TOP1: variants seen among roughly 807,000 people sequenced by gnomAD.
TOP1 encodes DNA topoisomerase 1.
TOP1 carries 10 observed loss-of-function variants against 111.1 expected under a neutral mutation model. That is an observed-to-expected ratio of 0.09 (90% CI 0.06 to 0.15). The LOEUF (loss-of-function observed/expected upper bound fraction) is 0.15. Ranked by LOEUF, TOP1 falls within the 10% of genes least tolerant of loss-of-function variation. The probability of loss-of-function intolerance (pLI) is 1.00; values close to 1 mark genes in which losing one functional copy is unlikely to be tolerated. For synonymous variants in TOP1, 271 were observed against 302.9 expected, an observed-to-expected ratio of 0.89 and a Z score of 1.10; for missense variants, 474 against 926.7, an observed-to-expected ratio of 0.51 and a Z score of 6.34.
At chr20:41,056,232 GTTAT>G (rs1461063496) in intron 2 of TOP1, among the ~76,000 whole-genome samples, 1 of 152,124 alleles carries the variant, frequency 6.6e-6, no homozygotes, top group East Asian at 1.9e-4. Context: ...CTTTCAGTTG[GTTAT>G]TTAGTTTGTT....
rs182960032 is a variant in TOP1 at position 41,080,975 on chromosome 20, A to G, written c.432-190A>G. On this transcript the variant is annotated intron_variant, in intron 6 of 20. Transcript: ENST00000361337. This position sits in a 1 kb window ranked among gnomAD's most constrained non-coding sequence, Gnocchi z 5.0. ...GGTTTGTTTTGTTCTATATAGGGCT[A>G]TAACTATTACTCTTTGGTCTGACCT... Among the ~76,000 whole-genome samples, 3 of 152,090 alleles carry G rather than the reference A, an allele frequency of 2.0e-5. No homozygotes were observed. Among genetic ancestry groups the G allele is most frequent in the African/African-American group, 7.2e-5 (3 of 41,470 alleles).
At chr20:41,051,655 C>A (rs1268998881) in intron 2 of TOP1, among the ~76,000 whole-genome samples, 1 of 152,056 alleles carries the variant, frequency 6.6e-6, no homozygotes, top group African/African-American at 2.4e-5. Flanking sequence ...GTTAGGCTTC[C>A]GGGTACCAGG....
intron 8 of TOP1, among the ~76,000 whole-genome samples, chr20:41,086,646 G>T (rs1335606200): frequency 1.3e-5 from 2 of 152,230 alleles, no homozygotes; most frequent in Non-Finnish European, 2.9e-5. Context: ...TTTTGCTTTT[G>T]TGGTTGAAAT....
rs942370160 is a variant in TOP1, at chr20:41,046,427, A to T, written c.59-14967A>T. Among the ~76,000 whole-genome samples, 1 of 152,218 alleles carries T rather than the reference A, an allele frequency of 6.6e-6. No homozygotes were observed. Among genetic ancestry groups the T allele is most frequent in the East Asian group, 1.9e-4 (1 of 5,198 alleles). ...GGTAAAGGGGGACCTGGGGTGACTT[A>T]GTTGCCTCCTGAGAATTCTGGGCTG... On this transcript the variant is annotated intron_variant, in intron 2 of 20. Transcript: ENST00000361337. This position sits in a 1 kb window ranked among gnomAD's most constrained non-coding sequence, Gnocchi z 4.3.
chr20:41,091,744 A>G (rs751951508), intron 8 of TOP1, among the ~76,000 whole-genome samples: 2 of 151,712 alleles, frequency 1.3e-5, no homozygotes, highest in African/African-American at 2.4e-5. Flanking sequence ...TTTAGTAGAG[A>G]CGGAGTTTCA....
rs1018741607 is a variant in TOP1, at chr20:41,095,937, T to C, written c.731-1283T>C. Reference sequence around the variant, plus strand: ...CTGTCAAAAGCATTTGTTTGAAAAGTGGATTAAATTCCCAAGTACTTTTCT... The same window carrying C: ...CTGTCAAAAGCATTTGTTTGAAAAGCGGATTAAATTCCCAAGTACTTTTCT... On this transcript the variant is annotated intron_variant, in intron 9 of 20. Coordinates refer to ENST00000361337, the MANE Select transcript of TOP1 (RefSeq NM_003286.4). The surrounding 1 kb of genome is among the most constrained non-coding windows in gnomAD (Gnocchi z 4.6). Among the ~76,000 whole-genome samples, 1 of 152,224 alleles carries C rather than the reference T, an allele frequency of 6.6e-6. No homozygotes were observed. Among genetic ancestry groups the C allele is most frequent in the African/African-American group, 2.4e-5 (1 of 41,458 alleles).
At chr20:41,044,275 C>CA (rs574299265) in intron 2 of TOP1, among the ~76,000 whole-genome samples, 11 of 151,130 alleles carry the variant, frequency 7.3e-5, no homozygotes, top group African/African-American at 1.9e-4. Flanking sequence ...AACTCCTTCT[C>CA]AAAAAAAAGA....
intron 14 of TOP1, 123 bp from the exon 15 acceptor site, chr20:41,113,847 C>G (rs1600601010): frequency 2.7e-6 from 2 of 739,188 alleles, no homozygotes; most frequent in Non-Finnish European, 4.1e-6. Context: ...TGCGCCATTG[C>G]ACTCTAGCCT....
In TOP1 at chr20:41,100,950, A is replaced by G. The variant is rs1299785483; in HGVS notation, c.1164-259A>G. Among the ~76,000 whole-genome samples, 1 of 152,230 alleles carries G rather than the reference A, an allele frequency of 6.6e-6. No homozygotes were observed. Among genetic ancestry groups the G allele is most frequent in the African/African-American group, 2.4e-5 (1 of 41,464 alleles). On this transcript the variant is annotated intron_variant, in intron 12 of 20. Transcript: ENST00000361337. The surrounding 1 kb of genome is among the most constrained non-coding windows in gnomAD (Gnocchi z 4.4). Reference sequence around the variant, plus strand: ...TTCACGCATCCCAGGTGGGACTACAAGAGATTTCATCATGCTCCTCAGAAT... The same window carrying G: ...TTCACGCATCCCAGGTGGGACTACAGGAGATTTCATCATGCTCCTCAGAAT...
At position 41,034,906 on chromosome 20, in the gene TOP1, G is replaced by A. The variant is rs1378889191; in HGVS notation, c.58+5451G>A. The stretch of plus-strand genomic sequence containing the variant: ...TACTTTTTTTTTGGGCGGGGTGGGG[G>A]GCAGACAGGGTTTCTGTTTGTTGCC... On this transcript the variant is annotated intron_variant, in intron 2 of 20. Coordinates refer to ENST00000361337, the MANE Select transcript of TOP1 (RefSeq NM_003286.4). This position sits in a 1 kb window ranked among gnomAD's most constrained non-coding sequence, Gnocchi z 4.0. Among the ~76,000 whole-genome samples the A allele has an allele frequency of 6.6e-6, 1 of 151,860 alleles. No individual in the cohort carries two copies. The highest frequency in any genetic ancestry group is 1.5e-5 in the Non-Finnish European group (1 of 67,950).
intron 2 of TOP1, among the ~76,000 whole-genome samples, chr20:41,047,899 C>T (rs1399112907): frequency 6.6e-6 from 1 of 152,130 alleles, no homozygotes; most frequent in African/African-American, 2.4e-5. Flanking sequence ...CACCCATTAG[C>T]GTCCAGACAA....
intron 3 of TOP1, among the ~76,000 whole-genome samples, chr20:41,075,393 A>C (rs1009268907): frequency 6.6e-6 from 1 of 152,270 alleles, no homozygotes; most frequent in Admixed American, 6.5e-5. Flanking sequence ...GGATGGTCTC[A>C]GTCTCCTGAC....
chr20:41,039,922 A>G (rs2033240072), intron 2 of TOP1, among the ~76,000 whole-genome samples: 1 of 152,190 alleles, frequency 6.6e-6, no homozygotes, highest in South Asian at 2.1e-4. Context: ...AAAAAGAAAA[A>G]TAGTTTTCAC....
At chr20:41,065,526 C>T (rs2033596393) in intron 3 of TOP1, among the ~76,000 whole-genome samples, 1 of 152,202 alleles carries the variant, frequency 6.6e-6, no homozygotes, top group African/African-American at 2.4e-5. Context: ...TTTGAATTCA[C>T]TAAATAATAA....
chr20:41,090,132 C>T (rs1040629704), intron 8 of TOP1, among the ~76,000 whole-genome samples: 3 of 152,092 alleles, frequency 2.0e-5, no homozygotes, highest in African/African-American at 7.2e-5. Flanking sequence ...CACCACCACG[C>T]CTGGCTAATT....
intron 13 of TOP1, among the ~76,000 whole-genome samples, chr20:41,111,809 G>A (rs943044581): frequency 5.3e-5 from 8 of 152,032 alleles, no homozygotes; most frequent in Admixed American, 4.6e-4. Flanking sequence ...CCTTCTCTAT[G>A]TTTATGTCAT....
Position 41,051,843 on chromosome 20 carries a change from G to C in TOP1, c.59-9551G>C, listed in dbSNP as rs191971871. ...CAACCTGAGCTAAGTTGTATGAAAT[G>C]ATTGAGTAGGCTGACTTCAGTTCTA... On this transcript the variant is annotated intron_variant, in intron 2 of 20. Transcript: ENST00000361337. Among the ~76,000 whole-genome samples, 37 of 152,216 alleles carry C rather than the reference G, an allele frequency of 2.4e-4. No homozygotes were observed. In the East Asian group the frequency reaches 4.6e-3, roughly 19 times the overall value.
Position 41,098,278 on chromosome 20 carries a change from A to T in TOP1, c.916A>T (p.Ser306Cys). The T allele has an allele frequency of 6.2e-7, 1 of 1,614,018 alleles. No homozygotes were observed. Among genetic ancestry groups the T allele is most frequent in the Non-Finnish European group, 8.5e-7 (1 of 1,179,890 alleles). ...NLSKCDFTQMSQYFKAQTEAR... is the reference protein window; with the variant it reads ...NLSKCDFTQMCQYFKAQTEAR... ...AAGCAAATGTGATTTTACCCAGATG[A>T]GCCAGTATTTCAAAGCCCAGACGGA... The change falls in exon 11 of 21, where the codon AGC becomes TGC. Residue 306 changes from serine to cysteine, a missense_variant. Physicochemically the swap from Ser to Cys is moderately radical, Grantham distance 112 (BLOSUM62 -1). Around this residue, in one of 14 missense-constraint regions of TOP1, gnomAD observed 84 missense variants for 119.2 expected, o/e 0.70. Transcript: ENST00000361337. This position sits in a 1 kb window ranked among gnomAD's most constrained non-coding sequence, Gnocchi z 5.7.
Position 41,076,372 on chromosome 20 carries a change from A to T in TOP1, c.279+78A>T, listed in dbSNP as rs868739175. On this transcript the variant is annotated intron_variant, in intron 4 of 20. Transcript: ENST00000361337. ...CTTTGAAAGCAGATATCTTAATTGC[A>T]TAGTAAGATCCCTTGGTCTTGAAGT... 5 of 1,511,954 alleles carry T rather than the reference A, an allele frequency of 3.3e-6. No homozygotes were observed. The Middle Eastern group carries it at 7.2e-4, about 217-fold the overall frequency. The allele number at this position is 1,511,954 out of a possible 1,614,324, so 93.7% of individuals were successfully genotyped here. A position where few individuals can be genotyped will look rare whatever the true frequency, so the allele number is the denominator to read the frequency against.
Sources: allele counts gnomAD v4.1 joint callset (sites outside exome capture counted in the v4.1 genomes callset), GRCh38; gene constraint gnomAD v4.1.1; regional missense constraint gnomAD v4.1.1; non-coding constraint Gnocchi (gnomAD v3.1); transcripts MANE v1.5; gene names NCBI Gene and HGNC (gene_info 2026-07-23, HGNC 2026-07-21).